The following ERICH1 variants were observed in gnomAD, a reference collection of about 807,000 sequenced individuals.
ERICH1 encodes the protein glutamate rich 1, also known as glutamate-rich protein 1.
Under a neutral mutation model 39.6 loss-of-function variants are expected in ERICH1, and 56 were observed. That is an observed-to-expected ratio of 1.41 (90% confidence interval 1.14 to 1.77). The LOEUF (loss-of-function observed/expected upper bound fraction) is 1.77. Among genes scored for constraint, ERICH1 ranks in the 40% most tolerant of loss-of-function variants. The pLI is 0.00. For synonymous variants in ERICH1, 313 were observed against 223.6 expected, an observed-to-expected ratio of 1.40 and a Z score of -3.57; for missense variants, 826 against 575.4, an observed-to-expected ratio of 1.44 and a Z score of -4.45.
At chr8:622,332 G>A (rs1490063584) in intron 3 of ERICH1, among the ~76,000 whole-genome samples, 1 of 152,212 alleles carries the variant, frequency 6.6e-6, no homozygotes, top group Non-Finnish European at 1.5e-5. Flanking sequence ...ATTAGGAGGT[G>A]GGGCCTTTGG....
intron 3 of ERICH1, among the ~76,000 whole-genome samples, chr8:689,555 A>G (rs1475770792): frequency 6.6e-6 from 1 of 152,238 alleles, no homozygotes; most frequent in African/African-American, 2.4e-5. Context: ...TGGCAGGAGC[A>G]GGAAGGTGCA....
In ERICH1 at chr8:719,148, G is replaced by A. The variant is rs369034907; in HGVS notation, c.23-3141C>T. Among the ~76,000 whole-genome samples the A allele has an allele frequency of 4.6e-5, 7 of 152,260 alleles. No homozygotes were observed. In the South Asian group the frequency reaches 6.2e-4, roughly 14 times the overall value. ...ACCCTCGGGGCTTTGCCACACGAAA[G>A]CCCCAGGCCTGGCGAGGCTCAGGGA... On this transcript the variant is annotated intron_variant, in intron 1 of 5. Transcript: ENST00000262109.
intron 3 of ERICH1, among the ~76,000 whole-genome samples, chr8:620,203 T>A (rs1298433743): frequency 6.6e-6 from 1 of 152,100 alleles, no homozygotes; most frequent in Non-Finnish European, 1.5e-5. Context: ...TCCCAGCTAC[T>A]CAGGAGGCTG....
Position 698,514 on chromosome 8 carries a change from C to T in ERICH1, c.170-5902G>A, listed in dbSNP as rs551909141. On this transcript the variant is annotated intron_variant, in intron 2 of 5. Coordinates refer to ENST00000262109, the MANE Select transcript of ERICH1 (RefSeq NM_207332.3). ...GATTACAGGTGAGAGCCACCGTGCC[C>T]GGCCCTGAATTACATTCCTGCCAGC... 7.8e-4 allele frequency among the ~76,000 whole-genome samples: 119 copies of T among 151,972 alleles called. 1 individual carries two copies. The highest frequency in any genetic ancestry group is 1.3e-3 in the Non-Finnish European group (87 of 67,978).
chr8:627,026 C>G, intron 3 of ERICH1: 1 of 439,228 alleles, frequency 2.3e-6, no homozygotes, highest in Admixed American at 2.4e-5. Context: ...TGGTGTCCGA[C>G]ACTCCCTTCT....
intron 2 of ERICH1, among the ~76,000 whole-genome samples, chr8:694,886 GCA>G (rs1563281602): frequency 6.6e-6 from 1 of 152,124 alleles, no homozygotes; most frequent in African/African-American, 2.4e-5. Flanking sequence ...TCCGCCGGAC[GCA>G]CAGAGAATGC....
intron 3 of ERICH1, among the ~76,000 whole-genome samples, chr8:637,761 C>A (rs780083092): frequency 3.3e-5 from 5 of 152,212 alleles, no homozygotes; most frequent in African/African-American, 1.2e-4. Flanking sequence ...ACAGAAGCCA[C>A]GGCTGCTCAG....
intron 5 of ERICH1, chr8:666,343 T>C (rs1206197227): frequency 6.6e-6 from 1 of 152,208 alleles, no homozygotes; most frequent in African/African-American, 2.4e-5. Flanking sequence ...CTCCTATCAG[T>C]TTAACATAAT....
At chr8:680,396 C>G (rs1232332833) in intron 3 of ERICH1, among the ~76,000 whole-genome samples, 3 of 151,730 alleles carry the variant, frequency 2.0e-5, no homozygotes, top group Non-Finnish European at 4.4e-5. Context: ...CCTGAAAACA[C>G]AGAAAGTCCA....
chr8:711,398 G>A (rs1465102946), intron 2 of ERICH1, among the ~76,000 whole-genome samples: 1 of 151,894 alleles, frequency 6.6e-6, no homozygotes, highest in Non-Finnish European at 1.5e-5. Flanking sequence ...AGCCTTTGGT[G>A]TTGTAGCTAA....
chr8:631,527 C>T lies in ERICH1; in HGVS notation c.977-16243G>A, dbSNP rs374554026. On this transcript the variant is annotated intron_variant, in intron 3 of 3. Coordinates refer to the ERICH1 transcript ENST00000522706. ...CGCCAGGAAGTGGTGACGGATTGGGCGAGAAGTCTTGAGGCCTGGGTGTGT... is the reference window on the plus strand; with the variant it reads ...CGCCAGGAAGTGGTGACGGATTGGGTGAGAAGTCTTGAGGCCTGGGTGTGT... 1.8e-4 allele frequency among the ~76,000 whole-genome samples: 28 copies of T among 152,262 alleles called. 1 individual carries two copies. Among genetic ancestry groups the T allele is most frequent in the East Asian group, 7.7e-4 (4 of 5,184 alleles).
chr8:673,616 T>C lies in ERICH1; in HGVS notation c.736A>G (p.Arg246Gly), dbSNP rs865861813. The change falls in exon 4 of 6, where the codon AGG becomes GGG. Residue 246 changes from arginine (R) to glycine (G), a missense_variant. Physicochemically the swap from Arg to Gly is moderately radical, Grantham distance 125. Transcript: ENST00000262109. ...DASEEDLTRA[R>G]QEEGADASEE... ...CTGGCGTCCGCACCCTCTTCCTGCC[T>C]GGCCCGTGTCAGGTCTTCCTCGCTA... 6.5e-7 allele frequency: 1 copy of C among 1,546,776 alleles called. No homozygotes were observed. The highest frequency in any genetic ancestry group is 1.7e-4 in the Middle Eastern group (1 of 5,874).
chr8:654,959 C>T (rs952582358), intron 3 of ERICH1, among the ~76,000 whole-genome samples: 5 of 152,240 alleles, frequency 3.3e-5, no homozygotes, highest in Non-Finnish European at 7.3e-5. Context: ...TCAGGCTGGA[C>T]GCCAGCCCCC....
chr8:677,425 C>G (rs1805100950), intron 3 of ERICH1, among the ~76,000 whole-genome samples: 1 of 152,230 alleles, frequency 6.6e-6, no homozygotes, highest in Admixed American at 6.5e-5. Flanking sequence ...CAGGCTGAAG[C>G]AGCTCCGCAC....
chr8:720,132 G>A (rs1816953756), intron 1 of ERICH1, among the ~76,000 whole-genome samples: 1 of 152,212 alleles, frequency 6.6e-6, no homozygotes. Flanking sequence ...ATCACTGACT[G>A]CTCTGCACAA....
intron 3 of ERICH1, among the ~76,000 whole-genome samples, chr8:654,006 C>G (rs1265662057): frequency 6.6e-6 from 1 of 152,194 alleles, no homozygotes; most frequent in African/African-American, 2.4e-5. Flanking sequence ...GCCACAGAGA[C>G]AGAAAGTAGG....
intron 1 of ERICH1, among the ~76,000 whole-genome samples, chr8:726,961 A>G (rs987897299): frequency 1.5e-5 from 2 of 133,292 alleles, no homozygotes; most frequent in African/African-American, 8.3e-5. Context: ...AGGCACATAC[A>G]CATGCACACA....
chr8:690,318 G>T (rs1488989430), intron 3 of ERICH1, among the ~76,000 whole-genome samples: 5 of 152,226 alleles, frequency 3.3e-5, no homozygotes, highest in African/African-American at 9.6e-5. Flanking sequence ...CAAACTGCTG[G>T]TACTTAGGTC....
At chr8:685,502 C>T (rs1807123764) in intron 3 of ERICH1, among the ~76,000 whole-genome samples, 2 of 152,102 alleles carry the variant, frequency 1.3e-5, no homozygotes, top group South Asian at 4.1e-4. Flanking sequence ...TAAAGACATG[C>T]ATAGGAAATT....
Sources: gnomAD v4.1 joint callset for allele counts (sites outside exome capture counted in the v4.1 genomes callset) on GRCh38, gnomAD v4.1.1 for gene constraint, MANE v1.5 for transcripts, NCBI Gene and HGNC (gene_info 2026-07-23, HGNC 2026-07-21) for gene names.